The following DHRSX variants were observed in gnomAD, a reference collection of about 807,000 sequenced individuals.
DHRSX encodes dehydrogenase/reductase X-linked.
DHRSX carries 31 observed loss-of-function variants against 34.0 expected under a neutral mutation model. The ratio of observed to expected loss-of-function variants is 0.91; its 90% CI spans 0.69 to 1.23. DHRSX has a LOEUF of 1.23. DHRSX is among the 50% of genes most tolerant of loss of function. The pLI, the probability that DHRSX is intolerant of heterozygous loss-of-function variation, is 0.00. For missense variants in DHRSX, 414 were observed against 428.1 expected, an observed-to-expected ratio of 0.97 and a Z score of 0.29; for synonymous variants, 201 against 183.8, an observed-to-expected ratio of 1.09 and a Z score of -0.76.
intron 1 of DHRSX, among the ~76,000 whole-genome samples, chrX:2,468,998 G>A (rs2044544842): frequency 6.6e-6 from 1 of 151,616 alleles, no homozygotes; most frequent in Non-Finnish European, 1.5e-5. Context: ...TAAGAATGCC[G>A]CTAAAAGACA....
At chrX:2,483,758 G>C (rs1172876422) in intron 1 of DHRSX, among the ~76,000 whole-genome samples, 1 of 147,748 alleles carries the variant, frequency 6.8e-6, no homozygotes, top group African/African-American at 2.5e-5. Context: ...GATTCCAATT[G>C]GTGCCTCGAG....
At chrX:2,354,522 C>T (rs776858979) in intron 3 of DHRSX, among the ~76,000 whole-genome samples, 16 of 152,280 alleles carry the variant, frequency 1.1e-4, no homozygotes, top group South Asian at 8.3e-4. Flanking sequence ...AGTGCAGTGG[C>T]GCAATCTCGG....
chrX:2,381,535 T>A (rs1354176560), intron 3 of DHRSX, among the ~76,000 whole-genome samples: 3 of 151,684 alleles, frequency 2.0e-5, no homozygotes, highest in African/African-American at 7.3e-5. Flanking sequence ...GGCAGGAGAA[T>A]CGCTTGAACC....
At chrX:2,460,225 G>A (rs148233164) in intron 1 of DHRSX, among the ~76,000 whole-genome samples, 12,715 of 152,008 alleles carry the variant, frequency 0.084, 689 homozygotes, top group East Asian at 0.2. Context: ...GTTATTACTC[G>A]GAGGGCCGGG....
chrX:2,268,576 T>C (rs1019930113), intron 4 of DHRSX, among the ~76,000 whole-genome samples: 30 of 152,364 alleles, frequency 2.0e-4, no homozygotes, highest in African/African-American at 6.3e-4. Flanking sequence ...CGTCTTTACA[T>C]GCAGATTCAT....
intron 3 of DHRSX, among the ~76,000 whole-genome samples, chrX:2,294,033 A>T (rs1165846360): frequency 1.3e-5 from 2 of 148,338 alleles, no homozygotes; most frequent in Non-Finnish European, 3.0e-5. Flanking sequence ...TAAGAATGAG[A>T]AAGAGAGAGA....
chrX:2,268,396 T>C (rs2041503336), intron 4 of DHRSX, among the ~76,000 whole-genome samples: 2 of 152,216 alleles, frequency 1.3e-5, no homozygotes, highest in Non-Finnish European at 2.9e-5. Flanking sequence ...TGGAATTCTG[T>C]ATCTATCTAC....
chrX:2,268,505 T>TA (rs1167694457), intron 4 of DHRSX, among the ~76,000 whole-genome samples: 1 of 152,256 alleles, frequency 6.6e-6, no homozygotes, highest in East Asian at 1.9e-4. Flanking sequence ...TAACTGCATG[T>TA]ATGCATAATT....
chrX:2,498,078 G>C (rs1441699864), intron 1 of DHRSX, among the ~76,000 whole-genome samples: 1 of 152,144 alleles, frequency 6.6e-6, no homozygotes, highest in African/African-American at 2.4e-5. Flanking sequence ...TAATTATCTT[G>C]TTTTTCCATG....
At chrX:2,357,904 G>C (rs1235922350) in intron 3 of DHRSX, among the ~76,000 whole-genome samples, 2 of 152,024 alleles carry the variant, frequency 1.3e-5, no homozygotes, top group African/African-American at 2.4e-5. Flanking sequence ...TACATCACTG[G>C]GGTGTGGCTA....
At chrX:2,438,799 A>G (rs1453291254) in intron 1 of DHRSX, among the ~76,000 whole-genome samples, 1 of 151,948 alleles carries the variant, frequency 6.6e-6, no homozygotes, top group Non-Finnish European at 1.5e-5. Flanking sequence ...ATGTATACAC[A>G]TACATATATA....
chrX:2,352,907 C>A (rs774037409), intron 3 of DHRSX, among the ~76,000 whole-genome samples: 1 of 152,152 alleles, frequency 6.6e-6, no homozygotes, highest in Non-Finnish European at 1.5e-5. Flanking sequence ...TACAAGAGTC[C>A]ATCTGAACCA....
chrX:2,473,023 C>A lies in DHRSX; in HGVS notation c.109+27794G>T, dbSNP rs944230405. Among the ~76,000 whole-genome samples, 85 of 152,000 alleles carry A rather than the reference C, an allele frequency of 5.6e-4. 1 individual carries two copies. The highest frequency in any genetic ancestry group is 4.7e-3 in the Admixed American group (72 of 15,262). ...CCGTCACTGATCAAAGAATGGGTAC[C>A]ACAACTTACTGTCCACTGCAAAGCT... is the stretch of plus-strand genomic sequence containing the variant. On this transcript the variant is annotated intron_variant, in intron 1 of 6. Coordinates refer to ENST00000334651, the MANE Select transcript of DHRSX (RefSeq NM_145177.3).
At chrX:2,283,582 C>T (rs1463548008) in intron 4 of DHRSX, among the ~76,000 whole-genome samples, 1 of 151,982 alleles carries the variant, frequency 6.6e-6, no homozygotes, top group Non-Finnish European at 1.5e-5. Flanking sequence ...TGTCCGTCCA[C>T]CAAAAAGTGG....
intron 5 of DHRSX, among the ~76,000 whole-genome samples, chrX:2,264,739 A>C (rs67350171): frequency 0.41 from 61,484 of 149,282 alleles, 13,667 homozygotes; most frequent in Non-Finnish European, 0.54. Context: ...ACCTGTGCCC[A>C]GCAGACACAG....
At chrX:2,227,001 C>T (rs1250338207) in intron 6 of DHRSX, among the ~76,000 whole-genome samples, 2 of 151,846 alleles carry the variant, frequency 1.3e-5, no homozygotes, top group African/African-American at 4.8e-5. Context: ...CTCCTGCTGA[C>T]AATGAATACC....
intron 1 of DHRSX, among the ~76,000 whole-genome samples, chrX:2,471,719 G>A (rs114223809): frequency 3.3e-5 from 5 of 152,226 alleles, no homozygotes; most frequent in African/African-American, 1.2e-4. Context: ...CCGGAAAGGT[G>A]AACACCCCTC....
intron 3 of DHRSX, among the ~76,000 whole-genome samples, chrX:2,361,803 G>A (rs2042937459): frequency 6.6e-6 from 1 of 152,192 alleles, no homozygotes; most frequent in Admixed American, 6.5e-5. Context: ...TCTGATTAGA[G>A]GTACTTTTAA....
chrX:2,384,077 G>C (rs1006230077), intron 3 of DHRSX, among the ~76,000 whole-genome samples: 1 of 152,190 alleles, frequency 6.6e-6, no homozygotes, highest in Non-Finnish European at 1.5e-5. Flanking sequence ...AAGCAGGTAA[G>C]GGATAGGTGT....
Sources: allele counts gnomAD v4.1 joint callset (sites outside exome capture counted in the v4.1 genomes callset), GRCh38; gene constraint gnomAD v4.1.1; transcripts MANE v1.5; gene names NCBI Gene and HGNC (gene_info 2026-07-23, HGNC 2026-07-21).